ARL15: variants seen among roughly 807,000 people sequenced by gnomAD.
The protein encoded by ARL15 is ARF like GTPase 15, also known as ADP-ribosylation factor-like protein 15.
Under a neutral mutation model 25.2 loss-of-function variants are expected in ARL15, and 19 were observed. That is an observed-to-expected ratio of 0.75 (90% CI 0.53 to 1.10). The LOEUF is 1.10. Among genes scored for constraint, ARL15 ranks in the 50% least tolerant of loss-of-function variants. ARL15 has a pLI of 0.00. For synonymous variants in ARL15, 94 were observed against 86.8 expected (o/e 1.08, Z -0.46); for missense variants, 220 against 246.0 (o/e 0.89, Z 0.71).
At chr5:54,285,521 AT>A (rs1372884944) in intron 1 of ARL15, among the ~76,000 whole-genome samples, 2 of 152,314 alleles carry the variant, frequency 1.3e-5, no homozygotes, top group African/African-American at 4.8e-5. Flanking sequence ...TTAGAGAGCT[AT>A]TTTTTATACT....
At chr5:54,214,681 G>C (rs1756131866) in intron 1 of ARL15, among the ~76,000 whole-genome samples, 1 of 152,160 alleles carries the variant, frequency 6.6e-6, no homozygotes, top group African/African-American at 2.4e-5. Flanking sequence ...GAAACGTCCT[G>C]AACACTTCCT....
chr5:54,030,665 G>T (rs970679747), intron 4 of ARL15, among the ~76,000 whole-genome samples: 2 of 152,124 alleles, frequency 1.3e-5, no homozygotes, highest in African/African-American at 2.4e-5. Flanking sequence ...GAACCAGTGG[G>T]ATAAAATAAA....
intron 4 of ARL15, chr5:54,048,150 C>G (rs558019106): frequency 6.6e-6 from 1 of 151,742 alleles, no homozygotes; most frequent in Non-Finnish European, 1.5e-5. Flanking sequence ...ACCTGGTGGT[C>G]GCCCCTCCTA....
chr5:54,252,145 G>A (rs1483185535), intron 1 of ARL15, among the ~76,000 whole-genome samples: 1 of 152,202 alleles, frequency 6.6e-6, no homozygotes, highest in Non-Finnish European at 1.5e-5. Flanking sequence ...GAGTCATCAG[G>A]CAGACAACAG....
chr5:54,220,023 G>T (rs1257089322), intron 1 of ARL15, among the ~76,000 whole-genome samples: 1 of 152,076 alleles, frequency 6.6e-6, no homozygotes, highest in Non-Finnish European at 1.5e-5. Flanking sequence ...TTTAAGAAAA[G>T]TATGGAAACA....
At chr5:54,280,364 T>A (rs146073086) in intron 1 of ARL15, among the ~76,000 whole-genome samples, 105 of 152,350 alleles carry the variant, frequency 6.9e-4, no homozygotes, top group African/African-American at 2.3e-3. Flanking sequence ...TCAAGTAACC[T>A]GTTCATCTAA....
chr5:54,060,148 A>T (rs1032899839), intron 4 of ARL15, among the ~76,000 whole-genome samples: 1 of 150,826 alleles, frequency 6.6e-6, no homozygotes, highest in Non-Finnish European at 1.5e-5. Flanking sequence ...AAAAAAAAAA[A>T]AAAACCCCGG....
intron 1 of ARL15, among the ~76,000 whole-genome samples, chr5:54,223,337 G>A (rs1441129344): frequency 5.9e-5 from 9 of 152,108 alleles, no homozygotes. Context: ...AAAATGCAGA[G>A]ATTTAAAGAA....
chr5:54,151,839 T>C (rs890112936), intron 3 of ARL15, among the ~76,000 whole-genome samples: 15 of 152,062 alleles, frequency 9.9e-5, no homozygotes, highest in African/African-American at 3.4e-4. Flanking sequence ...CTTCCCTATT[T>C]TGAAGAAGTG....
At chr5:53,941,514 G>A (rs879568280) in intron 4 of ARL15, among the ~76,000 whole-genome samples, 8 of 152,174 alleles carry the variant, frequency 5.3e-5, no homozygotes, top group Admixed American at 4.6e-4. Flanking sequence ...TTTTTCTAGG[G>A]CTTTGGCTAA....
intron 3 of ARL15, among the ~76,000 whole-genome samples, chr5:54,116,534 T>C (rs543834479): frequency 6.6e-5 from 10 of 152,336 alleles, no homozygotes; most frequent in Admixed American, 2.0e-4. Context: ...ACAGTTTTCA[T>C]TGTAAGACTC....
chr5:53,944,505 T>G (rs1230607844), intron 4 of ARL15, among the ~76,000 whole-genome samples: 1 of 151,910 alleles, frequency 6.6e-6, no homozygotes, highest in African/African-American at 2.4e-5. Flanking sequence ...GGTGGGAGGA[T>G]CACCTGAGTC....
chr5:54,042,317 G>C (rs1431292744), intron 4 of ARL15, among the ~76,000 whole-genome samples: 1 of 152,158 alleles, frequency 6.6e-6, no homozygotes, highest in Admixed American at 6.5e-5. Context: ...ATAAAATAAA[G>C]GGATTTTTCC....
At chr5:54,082,134 C>T (rs1383956577) in intron 4 of ARL15, among the ~76,000 whole-genome samples, 1 of 119,692 alleles carries the variant, frequency 8.4e-6, no homozygotes, top group Admixed American at 8.3e-5. Context: ...ATACAAATCC[C>T]CCTAATGGGT....
intron 2 of ARL15, among the ~76,000 whole-genome samples, chr5:54,159,608 T>C (rs945744397): frequency 6.6e-6 from 1 of 152,190 alleles, no homozygotes; most frequent in Non-Finnish European, 1.5e-5. Context: ...GCTGAAGGCT[T>C]CACGGTTAAG....
At chr5:54,197,626 T>TA (rs1253500299) in intron 1 of ARL15, among the ~76,000 whole-genome samples, 1 of 152,082 alleles carries the variant, frequency 6.6e-6, no homozygotes, top group Non-Finnish European at 1.5e-5. Context: ...AAACAGAGCA[T>TA]AAGGAGCTGA....
intron 1 of ARL15, among the ~76,000 whole-genome samples, chr5:54,266,171 G>A (rs1463200378): frequency 6.6e-6 from 1 of 152,166 alleles, no homozygotes; most frequent in East Asian, 1.9e-4. Flanking sequence ...TAGTCCCAGA[G>A]TCATAGCAGC....
chr5:54,040,212 C>T (rs1217049204), intron 4 of ARL15, among the ~76,000 whole-genome samples: 1 of 152,182 alleles, frequency 6.6e-6, no homozygotes, highest in African/African-American at 2.4e-5. Context: ...TCCTGGCTAA[C>T]AGCATTATGC....
At chr5:54,075,392 G>A (rs948598758) in intron 4 of ARL15, 14 of 153,582 alleles carry the variant, frequency 9.1e-5, no homozygotes, top group Middle Eastern at 7.8e-4. Flanking sequence ...TTTCTATCAC[G>A]GTCATTTAAG....
Sources: allele counts gnomAD v4.1 joint callset (sites outside exome capture counted in the v4.1 genomes callset), GRCh38; gene constraint gnomAD v4.1.1; transcripts MANE v1.5; gene names NCBI Gene and HGNC (gene_info 2026-07-23, HGNC 2026-07-21).